The following AP4B1 variants were observed in gnomAD, a reference collection of about 807,000 sequenced individuals.
AP4B1 encodes the protein AP-4 complex subunit beta-1.
In AP4B1, 49 loss-of-function variants were observed where a neutral mutation model predicts 76.5. The observed-to-expected ratio is 0.64, with a 90% confidence interval of 0.51 to 0.81. The LOEUF (loss-of-function observed/expected upper bound fraction) is 0.81, where lower values mean the gene tolerates loss of function less well. AP4B1 is among the 40% of genes least tolerant of loss of function. The pLI is 0.00. For missense variants in AP4B1, 911 were observed against 904.9 expected (o/e 1.01, Z -0.09); for synonymous variants, 330 against 333.3 (o/e 0.99, Z 0.11).
Position 113,895,396 on chromosome 1 carries a change from TAATC to T in AP4B1, c.1885_1888del (p.Asp629IlefsTer34). ...AAGGCTAAGCCAAGTTTTCTCAAAA[TAATC>T]AGCAGTAAGCTGGCGATTGGGGACT... On this transcript the variant is annotated frameshift_variant, in exon 10 of 10. Transcript: ENST00000369569. LOFTEE classifies it high-confidence loss of function. 2 of 1,614,218 alleles carry T rather than the reference TAATC, an allele frequency of 1.2e-6. No individual in the cohort carries two copies. The highest frequency in any genetic ancestry group is 2.2e-5 in the South Asian group (2 of 91,082).
rs759087184 is a variant in AP4B1 at position 113,895,032 on chromosome 1, T to C, written c.*33A>G. ...AAAGACTAAGAAAGTGTAATAGTTA[T>C]TCATCTTACTCTAGACAAGCAACAA... On this transcript the variant is annotated 3_prime_UTR_variant, in exon 10 of 10. Coordinates refer to ENST00000369569, the MANE Select transcript of AP4B1 (RefSeq NM_001253852.3). The C allele has an allele frequency of 3.8e-6, 6 of 1,596,944 alleles. No homozygotes were observed. Among genetic ancestry groups the C allele is most frequent in the South Asian group, 2.2e-5 (2 of 89,394 alleles).
At chr1:113,899,850 G>A (rs559103086) in intron 5 of AP4B1, 54 bp downstream of exon 5, 1,481 of 1,613,772 alleles carry the variant, frequency 9.2e-4, no homozygotes, top group Non-Finnish European at 1.2e-3. Flanking sequence ...TCTAACCACA[G>A]TTTTCTTGCT....
chr1:113,899,143 G>C (rs1667891397), intron 5 of AP4B1: 1 of 1,122,826 alleles, frequency 8.9e-7, no homozygotes, highest in Non-Finnish European at 1.1e-6. Flanking sequence ...GAGTATTTTT[G>C]TGGGGGACAC....
intron 7 of AP4B1, chr1:113,897,411 C>A: frequency 3.7e-6 from 1 of 270,678 alleles, no homozygotes; most frequent in South Asian, 4.0e-5. Flanking sequence ...GACAACATAG[C>A]AAAACCCTCT....
rs1668029174 is a variant in AP4B1 at position 113,900,046 on chromosome 1, C to T, written c.972G>A (p.Glu324=). 6.2e-7 allele frequency: 1 copy of T among 1,614,072 alleles called. No homozygotes were observed. The highest frequency in any genetic ancestry group is 8.5e-7 in the Non-Finnish European group (1 of 1,180,050). Residue 324 remains glutamate, a synonymous_variant, in exon 5 of 10, where the codon GAG becomes GAA. Coordinates refer to ENST00000369569, the MANE Select transcript of AP4B1 (RefSeq NM_001253852.3). ...HYKKFFCSYS[E]PHYIKLQKVE... ...CTTTCTGTAGTTTGATGTAGTGGGG[C>T]TCCGAGTAGGAGCAAAAAAACTTTT...
In AP4B1 at chr1:113,895,996, T is replaced by C. The variant is rs1265334140; in HGVS notation, c.1553A>G (p.Tyr518Cys). 30 of 1,614,084 alleles carry C rather than the reference T, an allele frequency of 1.9e-5. No homozygotes were observed. Among genetic ancestry groups the C allele is most frequent in the Non-Finnish European group, 2.5e-5 (29 of 1,180,048 alleles). The change falls in exon 9 of 10, where the codon TAT becomes TGT. Residue 518 changes from tyrosine (Y) to cysteine (C), a missense_variant. Physicochemically the swap from Tyr to Cys is radical, Grantham distance 194. Transcript: ENST00000369569. ...AATGCCAACTAAGAGGAGGCGATAA[T>C]AGAAGAGACCTCGGTCCCGTACAGC... is the stretch of plus-strand genomic sequence containing the variant. Reference protein sequence around the residue: ...DMAVRDRGLFYYRLLLVGIDE... With the variant: ...DMAVRDRGLFCYRLLLVGIDE...
chr1:113,895,121 T>G lies in AP4B1; in HGVS notation c.2164A>C (p.Ser722Arg), dbSNP rs148223090. The G allele has an allele frequency of 6.2e-7, 1 of 1,614,210 alleles. No individual in the cohort carries two copies. The highest frequency in any genetic ancestry group is 8.5e-7 in the Non-Finnish European group (1 of 1,180,036). Residue 722 changes from serine (S) to arginine (R), a missense_variant, in exon 10 of 10, where the codon AGT (serine) becomes CGT (arginine). By Grantham distance (110) the Ser-to-Arg change is moderately radical. Coordinates refer to ENST00000369569, the MANE Select transcript of AP4B1 (RefSeq NM_001253852.3). ...ACAGTTTCTAATACAGAAATAAAAC[T>G]ATTCAGCGTCTCCGTTCTTGCTTCA... Reference protein sequence around the residue: ...QNEARTETLNSFISVLETVIG... With the variant: ...QNEARTETLNRFISVLETVIG...
chr1:113,899,054 T>C lies in AP4B1; in HGVS notation c.1115-253A>G, dbSNP rs570863552. On this transcript the variant is annotated intron_variant, in intron 5 of 9. Transcript: ENST00000369569. ...CAAAACAATTCCCCATTAAACAAGG[T>C]TGAAAACTTATAGTAACAAAGGTAT... 7.9e-6 allele frequency: 10 copies of C among 1,265,560 alleles called. No homozygotes were observed. The South Asian group carries it at 1.1e-4, about 14-fold the overall frequency. 78.4% of individuals were successfully genotyped at this position (1,265,560 alleles called of 1,614,324 possible).
In AP4B1 at chr1:113,902,715, G is replaced by C. The variant is rs768144509; in HGVS notation, c.261C>G (p.Ile87Met). 6.2e-7 allele frequency: 1 copy of C among 1,614,170 alleles called. No individual in the cohort carries two copies. The highest frequency in any genetic ancestry group is 1.7e-5 in the Admixed American group (1 of 60,016). The change falls in exon 2 of 10, where the codon ATC (isoleucine) becomes ATG (methionine). Residue 87 changes from isoleucine to methionine, a missense_variant. Ile to Met is a conservative substitution (Grantham distance 10, BLOSUM62 1). Transcript: ENST00000369569. ...PLKPDLALLA[I>M]NTLCKDCSDP... ...CTGAGCAGTCTTTGCACAGCGTATT[G>C]ATGGCCAGGAGAGCCAGATCTGGTT...
Position 113,896,115 on chromosome 1 carries a change from G to A in AP4B1, c.1511-77C>T, listed in dbSNP as rs955830027. 2.4e-5 allele frequency: 39 copies of A among 1,604,352 alleles called. No individual in the cohort carries two copies. In the Middle Eastern group the frequency reaches 5.0e-4, roughly 20 times the overall value. Reference sequence around the variant, plus strand: ...TACTCTTGTGCCAACCATAATAGGAGAAAAAAATGAAGGAGAGAGGAAAAC... The same window carrying A: ...TACTCTTGTGCCAACCATAATAGGAAAAAAAAATGAAGGAGAGAGGAAAAC... On this transcript the variant is annotated intron_variant, in intron 8 of 9. Transcript: ENST00000369569.
chr1:113,899,498 C>T, intron 5 of AP4B1: 2 of 414,456 alleles, frequency 4.8e-6, no homozygotes, highest in Non-Finnish European at 7.2e-6. Flanking sequence ...AAACTATGTG[C>T]CCTTTTGGCA....
At chr1:113,897,389 T>C in intron 7 of AP4B1, 1 of 213,890 alleles carries the variant, frequency 4.7e-6, no homozygotes, top group Non-Finnish European at 9.5e-6. Context: ...CTAGGAATTC[T>C]AGACCAGCCT....
rs79050956 is a variant in AP4B1, at chr1:113,895,085, T to C, written c.2200A>G (p.Ile734Val). 101 of 1,613,914 alleles carry C rather than the reference T, an allele frequency of 6.3e-5. No homozygotes were observed. The East Asian group carries it at 1.7e-3, about 27-fold the overall frequency. Residue 734 changes from isoleucine to valine, a missense_variant, in exon 10 of 10, where the codon ATT becomes GTT. By Grantham distance (29) the Ile-to-Val change is conservative (BLOSUM62 3). Coordinates refer to ENST00000369569, the MANE Select transcript of AP4B1 (RefSeq NM_001253852.3). ...CTCTGTTATGATTTTATTTCTTCAA[T>C]TGTTCCAATCACAGTTTCTAATACA... Reference protein sequence around the residue: ...ISVLETVIGTIEEIKS With the variant: ...ISVLETVIGTVEEIKS
At chr1:113,904,963 C>T, upstream of AP4B1, 1 of 495,214 alleles carries the variant, frequency 2.0e-6, no homozygotes. Flanking sequence ...AGGCCGTTCG[C>T]CCCGCCCACA....
In AP4B1 at chr1:113,901,318, A is replaced by T; in HGVS notation, c.535T>A (p.Cys179Ser). 1 of 1,614,138 alleles carries T rather than the reference A, an allele frequency of 6.2e-7. No individual in the cohort carries two copies. The highest frequency in any genetic ancestry group is 8.5e-7 in the Non-Finnish European group (1 of 1,179,968). The change falls in exon 4 of 10, where the codon TGC becomes AGC. Residue 179 changes from cysteine to serine, a missense_variant. Physicochemically the swap from Cys to Ser is moderately radical, Grantham distance 112 (BLOSUM62 -1). Transcript: ENST00000369569. ...RDQDPIVVVN[C>S]LRSLEEILKQ... is the part of the protein sequence containing the mutation. ...AGAATTTCCTCTAGAGACCTCAAGC[A>T]GTTCACAACTACAATTGGATCCTGG...
At chr1:113,896,202 A>G (rs917911816) in intron 8 of AP4B1, 56 bp downstream of exon 8, 16 of 1,606,982 alleles carry the variant, frequency 1.0e-5, no homozygotes, top group Non-Finnish European at 1.4e-5. Flanking sequence ...AATGAAAGCT[A>G]TTAAGAATTT....
Position 113,904,726 on chromosome 1 carries a change from G to C in AP4B1, c.-9C>G, listed in dbSNP as rs747227913. The stretch of plus-strand genomic sequence containing the variant: ...GAGCCAAGGTACGGCATCTTCCTAA[G>C]AGTCACAGGGCAGCTCCCACAGCTC... On this transcript the variant is annotated 5_prime_UTR_variant, in exon 1 of 10. Transcript: ENST00000369569. 1.9e-6 allele frequency: 3 copies of C among 1,611,092 alleles called. No homozygotes were observed. The highest frequency in any genetic ancestry group is 2.5e-6 in the Non-Finnish European group (3 of 1,178,996).
At position 113,900,196 on chromosome 1, in the gene AP4B1, A is replaced by G. The variant is rs1668057580; in HGVS notation, c.822T>C (p.Leu274=). ...KMFPHVQTDV[L]VRVKGPLLAA... is the part of the protein sequence containing the mutation. ...CTAGCAAAGGTCCCTTGACCCGCAC[A>G]AGGACATCAGTTTGTACGTGGGGAA... is the stretch of plus-strand genomic sequence containing the variant. Residue 274 remains leucine, a synonymous_variant, in exon 5 of 10, where the codon CTT becomes CTC. Coordinates refer to ENST00000369569, the MANE Select transcript of AP4B1 (RefSeq NM_001253852.3). The G allele has an allele frequency of 6.2e-7, 1 of 1,613,928 alleles. No individual in the cohort carries two copies. The highest frequency in any genetic ancestry group is 2.2e-5 in the East Asian group (1 of 44,898).
chr1:113,895,696 A>T, intron 9 of AP4B1, 61 bp downstream of exon 9: 1 of 1,605,874 alleles, frequency 6.2e-7, no homozygotes, highest in Non-Finnish European at 8.5e-7. Context: ...TCTACTTTCC[A>T]CCAATCATTG....
Sources: allele counts gnomAD v4.1 joint callset, GRCh38; gene constraint gnomAD v4.1.1; transcripts MANE v1.5; gene names NCBI Gene and HGNC (gene_info 2026-07-23, HGNC 2026-07-21).